Variants in POLA1 observed in about 807,000 individuals in gnomAD.
POLA1 encodes the protein DNA polymerase alpha 1, catalytic subunit, also known as DNA polymerase alpha catalytic subunit.
Under a neutral mutation model 124.0 loss-of-function variants are expected in POLA1, and 15 were observed. That is an observed-to-expected ratio of 0.12 (90% CI 0.08 to 0.19). The LOEUF is 0.19. POLA1 is among the 10% of genes least tolerant of loss of function. POLA1 has a pLI of 1.00. For synonymous variants in POLA1, 408 were observed against 389.4 expected (o/e 1.05, Z -0.56); for missense variants, 886 against 1,103.4 (o/e 0.80, Z 2.79).
chrX:24,743,249 T>C lies in POLA1; in HGVS notation c.2486T>C (p.Ile829Thr). 8.9e-7 allele frequency: 1 copy of C among 1,124,066 alleles called. No individual in the cohort carries two copies. The highest frequency in any genetic ancestry group is 1.2e-6 in the Non-Finnish European group (1 of 822,714). The allele number at this position is 1,124,066 out of a possible 1,213,427, so 92.6% of individuals were successfully genotyped here. ...QQKLGDEDEE[I>T]DGDTNKYKKG... ...TATTAGGGAGATGAAGATGAAGAAA[T>C]TGATGGAGATACCAATAAATACAAG... The change falls in exon 23 of 37, where the codon ATT (isoleucine) becomes ACT (threonine). Residue 829 changes from isoleucine (I) to threonine (T), a missense_variant. Around this residue, in one of 7 missense-constraint regions of POLA1, gnomAD observed 182 missense variants for 252.8 expected, o/e 0.72. Coordinates refer to ENST00000379068, the MANE Select transcript of POLA1 (RefSeq NM_001330360.2).
chrX:24,996,093 AGGGGGCTGC>A lies in POLA1; in HGVS notation c.*144_*152del. The A allele has an allele frequency of 2.0e-6, 1 of 500,119 alleles. No individual in the cohort carries two copies. The highest frequency in any genetic ancestry group is 2.4e-5 in the African/African-American group (1 of 42,097). The allele number at this position is 500,119 out of a possible 1,213,427, so 41.2% of individuals were successfully genotyped here. ...TGTTTGTGTGAATGTAGACCAGGAA[AGGGGGCTGC>A]AAAAATGTTGAGTCTAATGTTCGTA... On this transcript the variant is annotated 3_prime_UTR_variant, in exon 37 of 37. Coordinates refer to ENST00000379068, the MANE Select transcript of POLA1 (RefSeq NM_001330360.2).
chrX:24,753,887 A>C (rs1472383901), intron 26 of POLA1, among the ~76,000 whole-genome samples: 1 of 112,261 alleles, frequency 8.9e-6, no homozygotes, highest in Non-Finnish European at 1.9e-5. Context: ...ATGCATTTTC[A>C]TTTTCCTACC....
At chrX:24,972,049 A>C (rs1387881673) in intron 36 of POLA1, among the ~76,000 whole-genome samples, 1 of 109,480 alleles carries the variant, frequency 9.1e-6, no homozygotes, top group Non-Finnish European at 1.9e-5. Flanking sequence ...GCTCACTGCA[A>C]CCTCCGCCTC....
intron 36 of POLA1, among the ~76,000 whole-genome samples, chrX:24,947,047 A>G (rs1391263186): frequency 9.0e-6 from 1 of 110,600 alleles, no homozygotes; most frequent in Non-Finnish European, 1.9e-5. Context: ...CCAGAAGATT[A>G]CATAAATTCC....
chrX:24,786,454 C>G (rs1406125329), intron 26 of POLA1, among the ~76,000 whole-genome samples: 1 of 110,755 alleles, frequency 9.0e-6, no homozygotes, highest in African/African-American at 3.3e-5. Context: ...TCTGTGTCTT[C>G]TTTGGAAAAA....
intron 26 of POLA1, among the ~76,000 whole-genome samples, chrX:24,759,338 T>C (rs1379251133): frequency 8.9e-6 from 1 of 112,182 alleles, no homozygotes; most frequent in Non-Finnish European, 1.9e-5. Flanking sequence ...CCTCAAATTA[T>C]TTCTGTATTC....
intron 35 of POLA1, among the ~76,000 whole-genome samples, chrX:24,909,811 A>G (rs1175685924): frequency 2.7e-5 from 3 of 109,853 alleles, no homozygotes; most frequent in East Asian, 2.9e-4. Flanking sequence ...CATTGAATCT[A>G]TAAATTACCT....
chrX:24,767,759 A>G (rs1010396295), intron 26 of POLA1, among the ~76,000 whole-genome samples: 2 of 111,882 alleles, frequency 1.8e-5, no homozygotes, highest in Non-Finnish European at 3.8e-5. Flanking sequence ...TATCCTGCCT[A>G]TTACTCATCC....
chrX:24,856,083 A>G (rs1337901295), intron 34 of POLA1, among the ~76,000 whole-genome samples: 2 of 112,092 alleles, frequency 1.8e-5, no homozygotes. Flanking sequence ...TACAAATTTG[A>G]GCATGTATAT....
intron 34 of POLA1, among the ~76,000 whole-genome samples, chrX:24,882,684 G>GGTGTGTGTGTGT (rs57530564): frequency 3.7e-4 from 32 of 87,609 alleles, no homozygotes; most frequent in East Asian, 2.7e-3. Flanking sequence ...TATATTCCAT[G>GGTGTGTGTGTGT]GTGTGTGTGT....
At chrX:24,964,281 A>T (rs1409033258) in intron 36 of POLA1, among the ~76,000 whole-genome samples, 1 of 112,617 alleles carries the variant, frequency 8.9e-6, no homozygotes, top group Non-Finnish European at 1.9e-5. Context: ...ATGCTTTTTA[A>T]TAAGTTGATT....
At chrX:24,981,914 G>A (rs2048425128) in intron 36 of POLA1, among the ~76,000 whole-genome samples, 1 of 111,945 alleles carries the variant, frequency 8.9e-6, no homozygotes, top group South Asian at 3.7e-4. Flanking sequence ...GACAAAATCT[G>A]TTTCTAGCAA....
chrX:24,697,944 T>A (rs909288754), intron 1 of POLA1, among the ~76,000 whole-genome samples: 5 of 102,300 alleles, frequency 4.9e-5, no homozygotes, highest in African/African-American at 1.8e-4. Flanking sequence ...GTGGATGAAT[T>A]TTTTTTTTTT....
chrX:24,955,874 CAA>C (rs996307720), intron 36 of POLA1, among the ~76,000 whole-genome samples: 7 of 112,128 alleles, frequency 6.2e-5, no homozygotes, highest in African/African-American at 2.3e-4. Flanking sequence ...TTTTCAATAA[CAA>C]GAGACACCTA....
In POLA1 at chrX:24,949,974, C is replaced by T. The variant is rs766103667; in HGVS notation, c.4261+19425C>T. On this transcript the variant is annotated intron_variant, in intron 36 of 36. Transcript: ENST00000379068. The stretch of plus-strand genomic sequence containing the variant: ...GTCTCCAACTCCTGACCTTGTGATC[C>T]GCCCACCTCGGCCTCCCAAAGTGCT... Among the ~76,000 whole-genome samples the T allele has an allele frequency of 1.7e-3, 190 of 110,838 alleles. 1 individual carries two copies. The highest frequency in any genetic ancestry group is 2.8e-3 in the Non-Finnish European group (147 of 52,896).
chrX:24,770,765 C>G lies in POLA1; in HGVS notation c.2964+21773C>G, dbSNP rs770070493. Among the ~76,000 whole-genome samples, 73 of 111,034 alleles carry G rather than the reference C, an allele frequency of 6.6e-4. 2 individuals carry two copies. Among genetic ancestry groups the G allele is most frequent in the Non-Finnish European group, 1.2e-3 (63 of 52,896 alleles). ...ACTAATTTAGGAGGTGACCGATAACCTCTACAGTTCCATCTGTCATAGTGC... is the reference window on the plus strand; with the variant it reads ...ACTAATTTAGGAGGTGACCGATAACGTCTACAGTTCCATCTGTCATAGTGC... On this transcript the variant is annotated intron_variant, in intron 26 of 36. Transcript: ENST00000379068.
chrX:24,873,528 G>A (rs1055022700), intron 34 of POLA1, among the ~76,000 whole-genome samples: 3 of 111,889 alleles, frequency 2.7e-5, no homozygotes, highest in East Asian at 2.8e-4. Context: ...TTGTGCAACC[G>A]TTAACAAGAA....
intron 36 of POLA1, among the ~76,000 whole-genome samples, chrX:24,978,855 G>A (rs1459162003): frequency 3.6e-5 from 4 of 111,946 alleles, no homozygotes; most frequent in Middle Eastern, 4.7e-3. Context: ...TTAATGGATC[G>A]GTTGTCATAA....
At chrX:24,912,232 C>T (rs1410638013) in intron 35 of POLA1, among the ~76,000 whole-genome samples, 3 of 112,125 alleles carry the variant, frequency 2.7e-5, no homozygotes, top group Non-Finnish European at 5.6e-5. Flanking sequence ...CCAAATATAT[C>T]GTAGGTGTAA....
Sources: allele counts gnomAD v4.1 joint callset (sites outside exome capture counted in the v4.1 genomes callset), GRCh38; gene constraint gnomAD v4.1.1; regional missense constraint gnomAD v4.1.1; transcripts MANE v1.5; gene names NCBI Gene and HGNC (gene_info 2026-07-23, HGNC 2026-07-21).